The following RIMS1 variants were observed in gnomAD, a reference collection of about 807,000 sequenced individuals.
The protein encoded by RIMS1 is regulating synaptic membrane exocytosis 1, also known as regulating synaptic membrane exocytosis protein 1.
RIMS1 carries 83 observed loss-of-function variants against 214.1 expected under a neutral mutation model. That is an observed-to-expected ratio of 0.39 (90% confidence interval 0.32 to 0.47). The LOEUF (loss-of-function observed/expected upper bound fraction) is 0.47, where lower values mean the gene tolerates loss of function less well. RIMS1 is among the 20% of genes least tolerant of loss of function. The probability of loss-of-function intolerance (pLI) is 0.99; values close to 1 mark genes in which losing one functional copy is unlikely to be tolerated. For synonymous variants in RIMS1, 793 were observed against 786.8 expected, an observed-to-expected ratio of 1.01 and a Z score of -0.13; for missense variants, 2,050 against 2,161.8, an observed-to-expected ratio of 0.95 and a Z score of 1.03.
intron 2 of RIMS1, among the ~76,000 whole-genome samples, chr6:72,078,064 T>C (rs1832368298): frequency 6.6e-6 from 1 of 152,186 alleles, no homozygotes; most frequent in Non-Finnish European, 1.5e-5. Context: ...CCAGAAATCT[T>C]TGGGTTTTGA....
At chr6:71,907,279 T>C (rs937626109) in intron 1 of RIMS1, among the ~76,000 whole-genome samples, 3 of 152,172 alleles carry the variant, frequency 2.0e-5, no homozygotes, top group African/African-American at 7.2e-5. Context: ...ATATACATTA[T>C]TCATATGGTC....
At chr6:71,984,966 A>G (rs1366085574) in intron 2 of RIMS1, among the ~76,000 whole-genome samples, 1 of 152,130 alleles carries the variant, frequency 6.6e-6, no homozygotes, top group African/African-American at 2.4e-5. Context: ...TTTGTACTCC[A>G]CCAATACAGA....
At chr6:72,334,947 G>A (rs976804919) in intron 29 of RIMS1, among the ~76,000 whole-genome samples, 8 of 151,886 alleles carry the variant, frequency 5.3e-5, no homozygotes, top group African/African-American at 1.9e-4. Context: ...AGAATTATTT[G>A]TCTTCTTTAG....
At chr6:71,963,003 C>A (rs894644933) in intron 1 of RIMS1, among the ~76,000 whole-genome samples, 1 of 152,016 alleles carries the variant, frequency 6.6e-6, no homozygotes, top group Admixed American at 6.6e-5. Flanking sequence ...TGTAATATTT[C>A]GTGAATATGG....
intron 28 of RIMS1, among the ~76,000 whole-genome samples, chr6:72,327,753 T>G (rs1159062282): frequency 1.3e-5 from 2 of 151,842 alleles, no homozygotes; most frequent in Non-Finnish European, 2.9e-5. Context: ...AAACCTGCTG[T>G]TAAGCCAAAA....
At chr6:72,030,409 G>A (rs781152532) in intron 2 of RIMS1, among the ~76,000 whole-genome samples, 2 of 152,140 alleles carry the variant, frequency 1.3e-5, no homozygotes, top group African/African-American at 2.4e-5. Flanking sequence ...TTAAGCTGTT[G>A]TAGTGTTAGG....
chr6:72,152,610 ATAT>A (rs957192767), intron 4 of RIMS1, among the ~76,000 whole-genome samples: 26 of 151,774 alleles, frequency 1.7e-4, no homozygotes, highest in South Asian at 4.2e-4. Context: ...CATGTGTTTG[ATAT>A]TATCACAGCA....
chr6:71,936,060 GA>G (rs1784318499), intron 1 of RIMS1, among the ~76,000 whole-genome samples: 2 of 152,126 alleles, frequency 1.3e-5, no homozygotes, highest in Admixed American at 1.3e-4. Flanking sequence ...TGAAGAAAAG[GA>G]AGGTGTGGGC....
chr6:72,265,994 G>A lies in RIMS1; in HGVS notation c.3343G>A (p.Ala1115Thr). Reference protein sequence around the residue: ...LQPFLDRARSASTNCLRPDTS... With the variant: ...LQPFLDRARSTSTNCLRPDTS... ...GCCCTTTCTTGACAGGGCTAGGAGTGCTAGTACCAACTGCTTGAGACCAGA... is the reference window on the plus strand; with the variant it reads ...GCCCTTTCTTGACAGGGCTAGGAGTACTAGTACCAACTGCTTGAGACCAGA... Residue 1115 changes from alanine (A) to threonine (T), a missense_variant, in exon 22 of 34, where the codon GCT becomes ACT. Ala to Thr is a moderately conservative substitution (Grantham distance 58). Coordinates refer to ENST00000521978, the MANE Select transcript of RIMS1 (RefSeq NM_014989.7). The A allele has an allele frequency of 2.5e-6, 4 of 1,584,176 alleles. No homozygotes were observed. The highest frequency in any genetic ancestry group is 3.4e-6 in the Non-Finnish European group (4 of 1,163,914).
At chr6:72,040,701 G>GACTA (rs1821201695) in intron 2 of RIMS1, among the ~76,000 whole-genome samples, 1 of 151,834 alleles carries the variant, frequency 6.6e-6, no homozygotes, top group Non-Finnish European at 1.5e-5. Flanking sequence ...AGCACCTAAT[G>GACTA]ACTAAACAAA....
chr6:71,982,600 C>T (rs994071030), intron 2 of RIMS1, among the ~76,000 whole-genome samples: 5 of 152,124 alleles, frequency 3.3e-5, no homozygotes, highest in Non-Finnish European at 7.4e-5. Context: ...ACCCCTGAGT[C>T]ATCTTCAGCT....
chr6:71,914,239 T>G (rs1777720028), intron 1 of RIMS1, among the ~76,000 whole-genome samples: 1 of 151,926 alleles, frequency 6.6e-6, no homozygotes, highest in African/African-American at 2.4e-5. Context: ...TTTTCTCTCT[T>G]TTTTTTTGGC....
chr6:72,123,186 G>A (rs1425291452), intron 4 of RIMS1, among the ~76,000 whole-genome samples: 3 of 151,538 alleles, frequency 2.0e-5, no homozygotes, highest in Non-Finnish European at 3.0e-5. Context: ...TGTTCTCGTT[G>A]GTTTCAAAGA....
At chr6:72,041,403 A>G (rs1397255313) in intron 2 of RIMS1, among the ~76,000 whole-genome samples, 2 of 151,902 alleles carry the variant, frequency 1.3e-5, no homozygotes, top group Non-Finnish European at 2.9e-5. Context: ...CTGTCTGGAT[A>G]TGGTATCAAA....
At chr6:72,387,342 T>G (rs2098630979) in intron 29 of RIMS1, among the ~76,000 whole-genome samples, 1 of 152,208 alleles carries the variant, frequency 6.6e-6, no homozygotes, top group Non-Finnish European at 1.5e-5. Flanking sequence ...ATAACTGGTG[T>G]TCTATGCAGA....
chr6:72,120,489 G>A (rs1056513712), intron 4 of RIMS1, among the ~76,000 whole-genome samples: 1 of 151,852 alleles, frequency 6.6e-6, no homozygotes, highest in Admixed American at 6.6e-5. Context: ...TTGCCCACTT[G>A]TTGATGGGGT....
chr6:72,100,059 C>T, intron 4 of RIMS1, 73 bp downstream of exon 4: 1 of 1,166,600 alleles, frequency 8.6e-7, no homozygotes, highest in South Asian at 1.3e-5. Context: ...AATGTTGCAC[C>T]TAGTATTGTT....
intron 2 of RIMS1, among the ~76,000 whole-genome samples, chr6:72,057,071 T>C (rs1444544562): frequency 6.6e-6 from 1 of 152,184 alleles, no homozygotes; most frequent in Non-Finnish European, 1.5e-5. Context: ...GTACTTGGCT[T>C]AATAACTGGG....
In RIMS1 at chr6:71,909,410, A is replaced by C. The variant is rs934500259; in HGVS notation, c.164+22223A>C. On this transcript the variant is annotated intron_variant, in intron 1 of 33. Coordinates refer to ENST00000521978, the MANE Select transcript of RIMS1 (RefSeq NM_014989.7). ...TAGTGGCATACCTTTCATGACATGC[A>C]TTTTGACATATATGAAGAGTTGACT... Among the ~76,000 whole-genome samples the C allele has an allele frequency of 7.8e-4, 119 of 152,152 alleles. 1 individual carries two copies. The highest frequency in any genetic ancestry group is 1.6e-4 in the Non-Finnish European group (11 of 68,028).
Sources: gnomAD v4.1 joint callset for allele counts (sites outside exome capture counted in the v4.1 genomes callset) on GRCh38, gnomAD v4.1.1 for gene constraint, MANE v1.5 for transcripts, NCBI Gene and HGNC (gene_info 2026-07-23, HGNC 2026-07-21) for gene names.